ATF1: variants seen among roughly 807,000 people sequenced by gnomAD.
The protein encoded by ATF1 is activating transcription factor 1.
Under a neutral mutation model 34.7 loss-of-function variants are expected in ATF1, and 16 were observed. The ratio of observed to expected loss-of-function variants is 0.46; its 90% confidence interval spans 0.31 to 0.70. ATF1 has a LOEUF of 0.70. Among genes scored for constraint, ATF1 ranks in the 30% least tolerant of loss-of-function variants. ATF1 has a pLI of 0.05. For missense variants in ATF1, 255 were observed against 321.6 expected (o/e 0.79, Z 1.58); for synonymous variants, 105 against 113.1 (o/e 0.93, Z 0.46).
At chr12:50,774,504 A>G (rs1306762849) in intron 1 of ATF1, among the ~76,000 whole-genome samples, 6 of 152,136 alleles carry the variant, frequency 3.9e-5, no homozygotes, top group African/African-American at 1.4e-4. Flanking sequence ...TTAAGCTTAT[A>G]TATGCTAACT....
chr12:50,787,338 A>T (rs540518130), intron 2 of ATF1, among the ~76,000 whole-genome samples: 2 of 152,346 alleles, frequency 1.3e-5, no homozygotes, highest in South Asian at 4.1e-4. Flanking sequence ...ATAAGAATGA[A>T]TAATATGTTA....
chr12:50,802,947 T>C (rs1043562162), intron 3 of ATF1, among the ~76,000 whole-genome samples: 2 of 144,736 alleles, frequency 1.4e-5, no homozygotes, highest in Non-Finnish European at 3.0e-5. Flanking sequence ...AGACTAAATA[T>C]TAAGACCAAA....
At chr12:50,763,637 T>C (rs958676828), upstream of ATF1, 3 of 50,486 alleles carry the variant, frequency 5.9e-5, no homozygotes, top group African/African-American at 1.4e-4. Flanking sequence ...AGAGACTCCA[T>C]CTAAAAAAAA....
chr12:50,764,932 A>T (rs1013751321), intron 1 of ATF1, among the ~76,000 whole-genome samples: 4 of 152,004 alleles, frequency 2.6e-5, no homozygotes, highest in African/African-American at 9.7e-5. Context: ...GGAATGACAC[A>T]AGGGCGTCTG....
At chr12:50,813,040 G>C (rs1941769447) in intron 4 of ATF1, among the ~76,000 whole-genome samples, 1 of 152,148 alleles carries the variant, frequency 6.6e-6, no homozygotes, top group Non-Finnish European at 1.5e-5. Context: ...TGAAAAGAGG[G>C]TACAGAGATG....
At chr12:50,804,529 TAA>T (rs1375070973) in intron 3 of ATF1, among the ~76,000 whole-genome samples, 3 of 151,926 alleles carry the variant, frequency 2.0e-5, no homozygotes, top group Non-Finnish European at 4.4e-5. Context: ...TTCACAAAAT[TAA>T]AGTTAGCCAG....
chr12:50,814,063 G>A lies in ATF1; in HGVS notation c.382G>A (p.Val128Ile). 6.2e-7 allele frequency: 1 copy of A among 1,614,212 alleles called. No homozygotes were observed. The highest frequency in any genetic ancestry group is 1.3e-5 in the African/African-American group (1 of 75,060). Residue 128 changes from valine to isoleucine, a missense_variant, in exon 5 of 7, where the codon GTA becomes ATA. Val to Ile is a conservative substitution (Grantham distance 29). Coordinates refer to ENST00000262053, the MANE Select transcript of ATF1 (RefSeq NM_005171.5). The part of the protein sequence containing the change: ...LQLASPGTDG[V>I]QGLQTLTMTN... The stretch of plus-strand genomic sequence containing the variant: ...GTTGGCAAGTCCAGGCACAGATGGA[G>A]TACAGGGACTTCAGACATTAACCAT...
intron 2 of ATF1, among the ~76,000 whole-genome samples, chr12:50,787,916 T>C (rs10783388): frequency 0.66 from 100,206 of 151,974 alleles, 33,214 homozygotes; most frequent in South Asian, 0.69. Flanking sequence ...AACTGTGGAA[T>C]AATATCTCTT....
At chr12:50,765,594 G>A (rs1940614016) in intron 1 of ATF1, among the ~76,000 whole-genome samples, 1 of 152,174 alleles carries the variant, frequency 6.6e-6, no homozygotes, top group African/African-American at 2.4e-5. Context: ...TTAAACAGGA[G>A]CTGGGTAAAA....
At chr12:50,792,018 T>C (rs928240085) in intron 2 of ATF1, among the ~76,000 whole-genome samples, 5 of 152,196 alleles carry the variant, frequency 3.3e-5, no homozygotes, top group Non-Finnish European at 5.9e-5. Context: ...CAGAATAGCA[T>C]GTGCTAAAGA....
At chr12:50,809,986 A>G (rs1417629220) in intron 4 of ATF1, among the ~76,000 whole-genome samples, 1 of 151,914 alleles carries the variant, frequency 6.6e-6, no homozygotes, top group African/African-American at 2.4e-5. Flanking sequence ...GGCGTGTGCC[A>G]CCACGCCCGG....
chr12:50,777,612 C>A (rs1162209866), intron 1 of ATF1, among the ~76,000 whole-genome samples: 1 of 149,626 alleles, frequency 6.7e-6, no homozygotes, highest in African/African-American at 2.5e-5. Flanking sequence ...CCCATCTGTA[C>A]AGAAAAGACC....
chr12:50,768,669 CAA>C (rs55718802), intron 1 of ATF1, among the ~76,000 whole-genome samples: 52,567 of 151,970 alleles, frequency 0.35, 9,338 homozygotes, highest in Non-Finnish European at 0.39. Context: ...TCAGCTTAAA[CAA>C]AAATAAACAT....
chr12:50,795,815 G>T (rs1484597253), intron 2 of ATF1, 94 bp from the exon 3 acceptor site: 2 of 875,456 alleles, frequency 2.3e-6, no homozygotes, highest in Non-Finnish European at 3.7e-6. Context: ...AATTGGAGTG[G>T]CAGGAGACAG....
chr12:50,795,634 T>C (rs1003140485), intron 2 of ATF1, among the ~76,000 whole-genome samples: 1 of 152,220 alleles, frequency 6.6e-6, no homozygotes, highest in Non-Finnish European at 1.5e-5. Context: ...GCCTGGTCTT[T>C]TTAACTCTGG....
At chr12:50,807,857 T>G (rs1941649867) in intron 3 of ATF1, among the ~76,000 whole-genome samples, 1 of 151,218 alleles carries the variant, frequency 6.6e-6, no homozygotes, top group Admixed American at 6.6e-5. Context: ...TCGCCCAGGC[T>G]GGAGTGCAGT....
chr12:50,787,055 A>G (rs1452086093), intron 2 of ATF1, among the ~76,000 whole-genome samples: 1 of 152,228 alleles, frequency 6.6e-6, no homozygotes, highest in Non-Finnish European at 1.5e-5. Context: ...ATCCAAACCC[A>G]GCTCAGTTCC....
chr12:50,780,662 A>AC (rs1451398970), intron 2 of ATF1, among the ~76,000 whole-genome samples: 5 of 151,684 alleles, frequency 3.3e-5, no homozygotes, highest in Non-Finnish European at 7.4e-5. Flanking sequence ...TAAAAAAAAA[A>AC]AAAAACAAAA....
intron 1 of ATF1, 74 bp downstream of exon 1, chr12:50,764,381 G>A: frequency 6.6e-6 from 1 of 150,566 alleles, no homozygotes; most frequent in Non-Finnish European, 1.5e-5. Flanking sequence ...CGCCGGCGGG[G>A]ACGCAGCGCG....
Sources: allele counts gnomAD v4.1 joint callset (sites outside exome capture counted in the v4.1 genomes callset), GRCh38; gene constraint gnomAD v4.1.1; transcripts MANE v1.5; gene names NCBI Gene and HGNC (gene_info 2026-07-23, HGNC 2026-07-21).